The following ADCY1 variants were observed in gnomAD, a reference collection of about 807,000 sequenced individuals.
ADCY1 encodes the protein adenylate cyclase type 1.
Under a neutral mutation model 105.4 loss-of-function variants are expected in ADCY1, and 28 were observed. The ratio of observed to expected loss-of-function variants is 0.27; its 90% confidence interval spans 0.20 to 0.36. ADCY1 has a LOEUF of 0.36. Among genes scored for constraint, ADCY1 ranks in the 10% least tolerant of loss-of-function variants. ADCY1 has a pLI of 1.00. For synonymous variants in ADCY1, 655 were observed against 623.8 expected, an observed-to-expected ratio of 1.05 and a Z score of -0.75; for missense variants, 977 against 1,434.2, an observed-to-expected ratio of 0.68 and a Z score of 5.15.
At chr7:45,586,820 G>T (rs930849031) in intron 1 of ADCY1, among the ~76,000 whole-genome samples, 5 of 152,240 alleles carry the variant, frequency 3.3e-5, no homozygotes, top group African/African-American at 9.6e-5. Flanking sequence ...ATGAGAACAT[G>T]CCCAGTGCTG....
At chr7:45,676,633 T>C (rs1367221712) in intron 8 of ADCY1, among the ~76,000 whole-genome samples, 6 of 152,118 alleles carry the variant, frequency 3.9e-5, no homozygotes, top group Non-Finnish European at 7.4e-5. Flanking sequence ...AATATGGACA[T>C]TCTGCATCCT....
At chr7:45,698,766 C>T (rs997700008) in intron 14 of ADCY1, among the ~76,000 whole-genome samples, 1 of 152,186 alleles carries the variant, frequency 6.6e-6, no homozygotes, top group African/African-American at 2.4e-5. Context: ...CCGTGCAAAG[C>T]TAGAGTCCCC....
chr7:45,691,629 C>A (rs537841830), intron 14 of ADCY1, among the ~76,000 whole-genome samples: 2 of 152,206 alleles, frequency 1.3e-5, no homozygotes, highest in Non-Finnish European at 2.9e-5. Context: ...TCTTTGCATT[C>A]AGTAGATAAT....
intron 2 of ADCY1, among the ~76,000 whole-genome samples, 199 bp from the exon 3 acceptor site, chr7:45,610,180 G>A (rs748653464): frequency 1.1e-4 from 17 of 152,336 alleles, no homozygotes; most frequent in Non-Finnish European, 2.1e-4. Context: ...GAGCGCCGCA[G>A]GGAGGCTTGG....
intron 2 of ADCY1, among the ~76,000 whole-genome samples, chr7:45,606,099 G>A (rs868627019): frequency 7.2e-5 from 11 of 152,204 alleles, no homozygotes; most frequent in Admixed American, 3.3e-4. Flanking sequence ...GCAGGAGTGA[G>A]AGTTCTAGTC....
At position 45,716,392 on chromosome 7, in the gene ADCY1, C is replaced by T. The variant is rs1053126968; in HGVS notation, c.*2397C>T. ...CCTCTCTTCAGGACAAATGGTTTGT[C>T]CTTATGGTCCCCTTTCCACTAGGAT... On this transcript the variant is annotated 3_prime_UTR_variant, in exon 20 of 20. Coordinates refer to ENST00000297323, the MANE Select transcript of ADCY1 (RefSeq NM_021116.4). 2.6e-5 allele frequency: 4 copies of T among 152,486 alleles called. No homozygotes were observed. The highest frequency in any genetic ancestry group is 5.9e-5 in the Non-Finnish European group (4 of 68,248). 9.4% of individuals were successfully genotyped at this position (152,486 alleles called of 1,614,324 possible).
chr7:45,691,028 C>T (rs1418721415), intron 14 of ADCY1, among the ~76,000 whole-genome samples: 1 of 152,182 alleles, frequency 6.6e-6, no homozygotes, highest in South Asian at 2.1e-4. Flanking sequence ...CAGATTTGGG[C>T]CTTGGCTATG....
Position 45,721,579 on chromosome 7 carries a change from G to A in ADCY1, c.*7584G>A, listed in dbSNP as rs1403404250. On this transcript the variant is annotated 3_prime_UTR_variant, in exon 20 of 20. Coordinates refer to ENST00000297323, the MANE Select transcript of ADCY1 (RefSeq NM_021116.4). ...CTGCTCAGGAGTTCTGTGAGCTATG[G>A]GAAGGCCATTGGTTGTATTTGCTAC... is the stretch of plus-strand genomic sequence containing the variant. 2.5e-6 allele frequency: 1 copy of A among 397,848 alleles called. No individual in the cohort carries two copies. Among genetic ancestry groups the A allele is most frequent in the Non-Finnish European group, 4.4e-6 (1 of 225,956 alleles). The allele number at this position is 397,848 out of a possible 1,614,324, so 24.6% of individuals were successfully genotyped here. A position where few individuals can be genotyped will look rare whatever the true frequency, so the allele number is the denominator to read the frequency against.
At chr7:45,623,797 C>G (rs1403495131) in intron 4 of ADCY1, among the ~76,000 whole-genome samples, 1 of 152,136 alleles carries the variant, frequency 6.6e-6, no homozygotes, top group South Asian at 2.1e-4. Flanking sequence ...TCTCCTCTTT[C>G]GAAGAGGGAA....
intron 8 of ADCY1, among the ~76,000 whole-genome samples, chr7:45,664,824 A>G (rs930928607): frequency 6.6e-6 from 1 of 152,242 alleles, no homozygotes; most frequent in Non-Finnish European, 1.5e-5. Flanking sequence ...CAGGTTTGTT[A>G]CATAGGTATA....
intron 14 of ADCY1, among the ~76,000 whole-genome samples, chr7:45,702,278 C>G (rs1445082139): frequency 6.6e-6 from 1 of 152,198 alleles, no homozygotes; most frequent in Non-Finnish European, 1.5e-5. Context: ...TAAGTACAAC[C>G]CTACAAGTGT....
chr7:45,587,466 T>A (rs1322280616), intron 1 of ADCY1, among the ~76,000 whole-genome samples: 1 of 152,114 alleles, frequency 6.6e-6, no homozygotes, highest in Non-Finnish European at 1.5e-5. Context: ...GGCATAGGGC[T>A]GTCAGGGGCA....
intron 4 of ADCY1, among the ~76,000 whole-genome samples, chr7:45,641,905 C>T (rs1320449300): frequency 2.2e-5 from 2 of 91,070 alleles, no homozygotes; most frequent in African/African-American, 8.3e-5. Context: ...CGCAGTCCGG[C>T]CTGGGCGACA....
chr7:45,699,484 C>G (rs1266453202), intron 14 of ADCY1, among the ~76,000 whole-genome samples: 1 of 152,114 alleles, frequency 6.6e-6, no homozygotes, highest in East Asian at 1.9e-4. Context: ...GGTAAGATTA[C>G]CTCTAAAAAT....
intron 14 of ADCY1, among the ~76,000 whole-genome samples, chr7:45,701,204 C>T (rs1252776517): frequency 6.6e-6 from 1 of 152,162 alleles, no homozygotes; most frequent in Non-Finnish European, 1.5e-5. Context: ...GGATTTTCAT[C>T]ACATTTGTTA....
intron 8 of ADCY1, among the ~76,000 whole-genome samples, chr7:45,667,137 A>G (rs1784277152): frequency 6.6e-6 from 1 of 152,044 alleles, no homozygotes; most frequent in Non-Finnish European, 1.5e-5. Flanking sequence ...GTTTAATTAG[A>G]TCCCATTTGT....
intron 7 of ADCY1, among the ~76,000 whole-genome samples, 196 bp from the exon 8 acceptor site, chr7:45,661,863 C>T (rs770617516): frequency 5.9e-5 from 9 of 152,162 alleles, no homozygotes; most frequent in Non-Finnish European, 1.3e-4. Context: ...ACGTTTTGGA[C>T]GTGGCCCTCC....
rs896714792 is a variant in ADCY1 at position 45,722,064 on chromosome 7, G to T, written c.*8069G>T. On this transcript the variant is annotated 3_prime_UTR_variant, in exon 20 of 20. Coordinates refer to ENST00000297323, the MANE Select transcript of ADCY1 (RefSeq NM_021116.4). ...GCTGGCCCGACGGCAGCCAGAACTT[G>T]TTTCTCACCTCCCACCAGCAACCCC... The T allele has an allele frequency of 5.4e-6, 2 of 372,906 alleles. No homozygotes were observed. Among genetic ancestry groups the T allele is most frequent in the Non-Finnish European group, 9.5e-6 (2 of 209,868 alleles). 23.1% of individuals were successfully genotyped at this position (372,906 alleles called of 1,614,324 possible). A position where few individuals can be genotyped will look rare whatever the true frequency, so the allele number is the denominator to read the frequency against.
chr7:45,709,541 C>G (rs1785185072), intron 18 of ADCY1, among the ~76,000 whole-genome samples: 1 of 152,204 alleles, frequency 6.6e-6, no homozygotes, highest in Non-Finnish European at 1.5e-5. Flanking sequence ...GGGTTCTTCT[C>G]TGAGTTTACC....
Sources: allele counts gnomAD v4.1 joint callset (sites outside exome capture counted in the v4.1 genomes callset), GRCh38; gene constraint gnomAD v4.1.1; transcripts MANE v1.5; gene names NCBI Gene and HGNC (gene_info 2026-07-23, HGNC 2026-07-21).